Variants in PIAS2 observed in about 807,000 individuals in gnomAD.
The protein encoded by PIAS2 is protein inhibitor of activated STAT 2.
Under a neutral mutation model 69.7 loss-of-function variants are expected in PIAS2, and 19 were observed. The observed-to-expected ratio is 0.27, with a 90% confidence interval of 0.19 to 0.40. PIAS2 has a LOEUF of 0.40. Ranked by LOEUF, PIAS2 falls within the 10% of genes least tolerant of loss-of-function variation. PIAS2 has a pLI of 1.00. For missense variants in PIAS2, 624 were observed against 757.0 expected, an observed-to-expected ratio of 0.82 and a Z score of 2.06; for synonymous variants, 261 against 263.2, an observed-to-expected ratio of 0.99 and a Z score of 0.08.
At position 46,809,282 on chromosome 18, in the gene PIAS2, C is replaced by G. The variant is rs528644756; in HGVS notation, c.*3151G>C. ...TTTTGCCTTTACAATTACCTTAGGA[C>G]AGATGCCAAGTTTTTATAACTTCAG... On this transcript the variant is annotated 3_prime_UTR_variant, in exon 14 of 14. Coordinates refer to ENST00000585916, the MANE Select transcript of PIAS2 (RefSeq NM_004671.5). 1 of 152,256 alleles carries G rather than the reference C, an allele frequency of 6.6e-6. No homozygotes were observed. The highest frequency in any genetic ancestry group is 1.9e-4 in the East Asian group (1 of 5,180). The allele number at this position is 152,256 out of a possible 1,614,324, so 9.4% of individuals were successfully genotyped here. A position where few individuals can be genotyped will look rare whatever the true frequency, so the allele number is the denominator to read the frequency against.
intron 3 of PIAS2, among the ~76,000 whole-genome samples, chr18:46,859,242 CA>C (rs775530615): frequency 2.6e-5 from 4 of 151,994 alleles, no homozygotes; most frequent in Non-Finnish European, 4.4e-5. Flanking sequence ...TCCTGGCTAA[CA>C]TGGTGAAACC....
intron 2 of PIAS2, among the ~76,000 whole-genome samples, chr18:46,878,054 A>C (rs1377814015): frequency 6.6e-6 from 1 of 152,220 alleles, no homozygotes; most frequent in Non-Finnish European, 1.5e-5. Flanking sequence ...TGACAGCTCT[A>C]AATCTATGGA....
intron 12 of PIAS2, chr18:46,817,211 C>T (rs1471221186): frequency 1.0e-6 from 1 of 969,726 alleles, no homozygotes; most frequent in Non-Finnish European, 1.2e-6. Context: ...CTGTATCTCT[C>T]AGTTCATGTT....
chr18:46,859,427 C>CAAAAAAAAAAAAAAA lies in PIAS2; in HGVS notation c.585-3827_585-3813dup, dbSNP rs55776913. Reference sequence around the variant, plus strand: ...TGGGTGACAGAGCGAGACTCCGTCTCAAAAAAAAAAAAAAAAAAAAAAAAA... The same window carrying CAAAAAAAAAAAAAAA: ...TGGGTGACAGAGCGAGACTCCGTCTCAAAAAAAAAAAAAAAAAAAAAAAAAAAAAAAAAAAAAAAA... On this transcript the variant is annotated intron_variant, in intron 3 of 13. Coordinates refer to ENST00000585916, the MANE Select transcript of PIAS2 (RefSeq NM_004671.5). Among the ~76,000 whole-genome samples the CAAAAAAAAAAAAAAA allele has an allele frequency of 6.7e-5, 6 of 89,544 alleles. 1 individual carries two copies. Among genetic ancestry groups the CAAAAAAAAAAAAAAA allele is most frequent in the Non-Finnish European group, 1.0e-4 (5 of 50,206 alleles). 58.7% of individuals were successfully genotyped at this position (89,544 alleles called of 152,430 possible).
At chr18:46,874,497 T>C (rs1295247396) in intron 2 of PIAS2, among the ~76,000 whole-genome samples, 1 of 152,172 alleles carries the variant, frequency 6.6e-6, no homozygotes, top group Non-Finnish European at 1.5e-5. Flanking sequence ...GGCACTCACC[T>C]TCATCAGGAA....
chr18:46,827,808 A>G, intron 11 of PIAS2, 151 bp downstream of exon 11: 1 of 613,758 alleles, frequency 1.6e-6, no homozygotes, highest in East Asian at 2.7e-5. Context: ...CCTATAAACA[A>G]TGTGCTTACT....
chr18:46,881,796 C>T (rs753798808), intron 2 of PIAS2, among the ~76,000 whole-genome samples: 21 of 152,198 alleles, frequency 1.4e-4, no homozygotes, highest in East Asian at 1.9e-4. Context: ...TCTGGCTTCT[C>T]CACAATTAAG....
chr18:46,916,971 G>T, intron 1 of PIAS2: 3 of 985,886 alleles, frequency 3.0e-6, no homozygotes, highest in Non-Finnish European at 3.6e-6. Flanking sequence ...GAAGGTGCAA[G>T]ATCAAACGTT....
intron 3 of PIAS2, among the ~76,000 whole-genome samples, chr18:46,859,167 G>A (rs886758364): frequency 6.6e-6 from 1 of 152,094 alleles, no homozygotes; most frequent in African/African-American, 2.4e-5. Context: ...GGTAGCTCAC[G>A]CCCATAATCC....
intron 12 of PIAS2, among the ~76,000 whole-genome samples, chr18:46,820,208 T>G (rs1344861698): frequency 6.6e-6 from 1 of 152,158 alleles, no homozygotes; most frequent in Non-Finnish European, 1.5e-5. Flanking sequence ...TCTGTTCAAG[T>G]AACCGTTATT....
At chr18:46,885,149 T>A (rs918490996) in intron 2 of PIAS2, among the ~76,000 whole-genome samples, 4 of 152,216 alleles carry the variant, frequency 2.6e-5, no homozygotes, top group East Asian at 1.9e-4. Flanking sequence ...ATAAAAAAAA[T>A]TTTATATCAA....
chr18:46,919,767 A>G (rs1172815698), upstream of PIAS2, among the ~76,000 whole-genome samples: 2 of 152,236 alleles, frequency 1.3e-5, no homozygotes, highest in East Asian at 1.9e-4. Flanking sequence ...TGAATAAAGG[A>G]ATGAATGAAC....
Position 46,808,901 on chromosome 18 carries a change from A to T in PIAS2, c.*3532T>A, listed in dbSNP as rs931657957. On this transcript the variant is annotated 3_prime_UTR_variant, in exon 14 of 14. Transcript: ENST00000585916. ...TACCCGTGAATTAAATTAATGCTTT[A>T]AAAAAAATTGACTTTACTTAAAATA... 2.0e-5 allele frequency: 3 copies of T among 151,086 alleles called. No homozygotes were observed. The highest frequency in any genetic ancestry group is 1.3e-4 in the Admixed American group (2 of 15,182). 9.4% of individuals were successfully genotyped at this position (151,086 alleles called of 1,614,324 possible).
At chr18:46,902,301 A>T (rs2055990370) in intron 1 of PIAS2, among the ~76,000 whole-genome samples, 1 of 151,986 alleles carries the variant, frequency 6.6e-6, no homozygotes, top group Admixed American at 6.6e-5. Flanking sequence ...TCACGCCTGT[A>T]ATCTCAGCAC....
At chr18:46,872,544 T>C (rs1350641244) in intron 2 of PIAS2, among the ~76,000 whole-genome samples, 1 of 152,204 alleles carries the variant, frequency 6.6e-6, no homozygotes, top group Non-Finnish European at 1.5e-5. Context: ...GGTGAAGCTA[T>C]AGAACAGGTG....
At chr18:46,917,716 C>A, upstream of PIAS2, 1 of 297,228 alleles carries the variant, frequency 3.4e-6, no homozygotes, top group Admixed American at 6.4e-5. Context: ...CTGCGGACTG[C>A]CTAGAGCTGG....
chr18:46,882,255 T>C (rs947909913), intron 2 of PIAS2, among the ~76,000 whole-genome samples: 17 of 152,130 alleles, frequency 1.1e-4, no homozygotes, highest in African/African-American at 3.1e-4. Flanking sequence ...TGTTTAATCA[T>C]ATCCAAAAGC....
At chr18:46,902,453 G>A (rs1219879553) in intron 1 of PIAS2, among the ~76,000 whole-genome samples, 6 of 151,878 alleles carry the variant, frequency 4.0e-5, no homozygotes, top group African/African-American at 1.5e-4. Context: ...CCAGCTACTC[G>A]GGAGGTTGAG....
At chr18:46,918,044 GGACTGCA>G (rs1218107631), upstream of PIAS2, 1 of 152,072 alleles carries the variant, frequency 6.6e-6, no homozygotes, top group Non-Finnish European at 1.5e-5. Context: ...TGAAGGTCAC[GGACTGCA>G]GAGTTGGGAG....
Sources: allele counts gnomAD v4.1 joint callset (sites outside exome capture counted in the v4.1 genomes callset), GRCh38; gene constraint gnomAD v4.1.1; transcripts MANE v1.5; gene names NCBI Gene and HGNC (gene_info 2026-07-23, HGNC 2026-07-21).